UNC5D: variants seen among roughly 807,000 people sequenced by gnomAD.
UNC5D encodes the protein netrin receptor UNC5D.
UNC5D carries 39 observed loss-of-function variants against 105.4 expected under a neutral mutation model. That is an observed-to-expected ratio of 0.37 (90% confidence interval 0.29 to 0.48). The LOEUF (loss-of-function observed/expected upper bound fraction) is 0.48, where lower values mean the gene tolerates loss of function less well. Ranked by LOEUF, UNC5D falls within the 20% of genes least tolerant of loss-of-function variation. The pLI is 0.98. For missense variants in UNC5D, 991 were observed against 1,202.4 expected, an observed-to-expected ratio of 0.82 and a Z score of 2.60; for synonymous variants, 452 against 450.4, an observed-to-expected ratio of 1.00 and a Z score of -0.04.
intron 4 of UNC5D, among the ~76,000 whole-genome samples, chr8:35,673,703 C>G (rs2131289792): frequency 6.6e-6 from 1 of 152,142 alleles, no homozygotes; most frequent in Middle Eastern, 3.4e-3. Flanking sequence ...TTTGCCTTTT[C>G]CTCATGATCA....
At chr8:35,370,799 G>A (rs575305793) in intron 1 of UNC5D, among the ~76,000 whole-genome samples, 1 of 152,300 alleles carries the variant, frequency 6.6e-6, no homozygotes, top group African/African-American at 2.4e-5. Context: ...CTGAATAAAT[G>A]TAATCACTAA....
intron 1 of UNC5D, among the ~76,000 whole-genome samples, chr8:35,339,933 G>T (rs1811339432): frequency 6.6e-6 from 1 of 152,122 alleles, no homozygotes; most frequent in African/African-American, 2.4e-5. Context: ...TTTTGTCCTT[G>T]GTCAGGTCAC....
At chr8:35,245,998 C>T (rs1287743405) in intron 1 of UNC5D, among the ~76,000 whole-genome samples, 4 of 152,134 alleles carry the variant, frequency 2.6e-5, no homozygotes, top group Non-Finnish European at 5.9e-5. Flanking sequence ...CCATCTAACC[C>T]CCTATGCTCG....
At chr8:35,334,399 T>C (rs760004418) in intron 1 of UNC5D, among the ~76,000 whole-genome samples, 7 of 152,212 alleles carry the variant, frequency 4.6e-5, no homozygotes, top group Admixed American at 1.3e-4. Context: ...ATATAGTTTC[T>C]TTTCTAAGTA....
intron 1 of UNC5D, among the ~76,000 whole-genome samples, chr8:35,348,961 C>T (rs1812008870): frequency 6.6e-6 from 1 of 151,776 alleles, no homozygotes; most frequent in South Asian, 2.1e-4. Context: ...TTAACACAAA[C>T]AGTGTATTAT....
At position 35,287,631 on chromosome 8, in the gene UNC5D, C is replaced by CA. The variant is rs1238592887; in HGVS notation, c.103+51756dup. On this transcript the variant is annotated intron_variant, in intron 1 of 16. Coordinates refer to ENST00000404895, the MANE Select transcript of UNC5D (RefSeq NM_080872.4). ...CAATATGGAGAAAACCTGCCTCTAC[C>CA]AAAAAAAAAAAAGAAAAATTGCAAA... Among the ~76,000 whole-genome samples, 780 of 132,402 alleles carry CA rather than the reference C, an allele frequency of 5.9e-3. 4 individuals are homozygous for CA. The highest frequency in any genetic ancestry group is 0.016 in the African/African-American group (580 of 36,132). 86.9% of individuals were successfully genotyped at this position (132,402 alleles called of 152,430 possible).
intron 1 of UNC5D, among the ~76,000 whole-genome samples, chr8:35,326,561 C>T (rs1810175378): frequency 6.6e-6 from 1 of 152,034 alleles, no homozygotes; most frequent in Non-Finnish European, 1.5e-5. Context: ...TAGAGACTAG[C>T]CTGGGCAGCA....
chr8:35,426,334 G>A (rs1388143178), intron 1 of UNC5D, among the ~76,000 whole-genome samples: 1 of 152,056 alleles, frequency 6.6e-6, no homozygotes, highest in Non-Finnish European at 1.5e-5. Flanking sequence ...AACATAATTT[G>A]ATCAGTGCAG....
intron 1 of UNC5D, among the ~76,000 whole-genome samples, chr8:35,318,779 A>C (rs1232727794): frequency 6.6e-6 from 1 of 152,120 alleles, no homozygotes; most frequent in African/African-American, 2.4e-5. Flanking sequence ...CACTGAGCAT[A>C]TGGCATATGC....
intron 1 of UNC5D, among the ~76,000 whole-genome samples, chr8:35,391,157 C>T (rs538627330): frequency 6.6e-6 from 1 of 152,198 alleles, no homozygotes; most frequent in Admixed American, 6.5e-5. Context: ...AGAAACTAGA[C>T]CTGGTTCTGC....
intron 7 of UNC5D, among the ~76,000 whole-genome samples, chr8:35,698,927 A>G (rs1328904750): frequency 6.6e-6 from 1 of 152,238 alleles, no homozygotes; most frequent in East Asian, 1.9e-4. Flanking sequence ...ACTGGAAGGT[A>G]GGGGATCAAA....
intron 13 of UNC5D, among the ~76,000 whole-genome samples, chr8:35,758,276 G>T (rs1482652965): frequency 6.6e-5 from 10 of 152,202 alleles, no homozygotes; most frequent in Admixed American, 3.9e-4. Context: ...AAGATAACCA[G>T]TAGAGGTGTT....
chr8:35,471,022 C>A (rs2129823824), intron 1 of UNC5D, among the ~76,000 whole-genome samples: 1 of 152,136 alleles, frequency 6.6e-6, no homozygotes, highest in African/African-American at 2.4e-5. Flanking sequence ...CTTCACACAG[C>A]AAGTTATTAG....
At chr8:35,502,845 G>A (rs979109631) in intron 1 of UNC5D, among the ~76,000 whole-genome samples, 13 of 152,036 alleles carry the variant, frequency 8.6e-5, no homozygotes, top group South Asian at 4.2e-4. Context: ...GATTACAGGC[G>A]TGAGCCACCG....
Position 35,428,346 on chromosome 8 carries a change from A to ATTTT in UNC5D, c.104-120926_104-120923dup, listed in dbSNP as rs35131097. Among the ~76,000 whole-genome samples, 487 of 92,716 alleles carry ATTTT rather than the reference A, an allele frequency of 5.3e-3. 9 individuals are homozygous for ATTTT. The highest frequency in any genetic ancestry group is 6.7e-3 in the Non-Finnish European group (334 of 49,868). The allele number at this position is 92,716 out of a possible 152,430, so 60.8% of individuals were successfully genotyped here. On this transcript the variant is annotated intron_variant, in intron 1 of 16. Coordinates refer to ENST00000404895, the MANE Select transcript of UNC5D (RefSeq NM_080872.4). ...CAGGTACATGCCACCATGCCTGGCT[A>ATTTT]TTTTTTTTTTTTTTTTTTTTTTTGA...
At chr8:35,527,936 T>C (rs1197805185) in intron 1 of UNC5D, among the ~76,000 whole-genome samples, 1 of 151,744 alleles carries the variant, frequency 6.6e-6, no homozygotes, top group Admixed American at 6.6e-5. Flanking sequence ...GAATTGAGCA[T>C]CAGAATTTCA....
At chr8:35,645,574 G>A (rs1350833174) in intron 4 of UNC5D, among the ~76,000 whole-genome samples, 1 of 150,852 alleles carries the variant, frequency 6.6e-6, no homozygotes, top group Non-Finnish European at 1.5e-5. Context: ...CTTGTTTCTA[G>A]TACTCCAACC....
At chr8:35,237,982 G>C (rs571932224) in intron 1 of UNC5D, among the ~76,000 whole-genome samples, 1 of 152,160 alleles carries the variant, frequency 6.6e-6, no homozygotes, top group Admixed American at 6.5e-5. Flanking sequence ...AGATGCACTG[G>C]TGTGGCATGC....
chr8:35,315,830 C>T (rs560306364), intron 1 of UNC5D, among the ~76,000 whole-genome samples: 1 of 152,136 alleles, frequency 6.6e-6, no homozygotes, highest in Non-Finnish European at 1.5e-5. Flanking sequence ...CAATGTGACT[C>T]TAGAGGCAGA....
Sources: allele counts gnomAD v4.1 joint callset (sites outside exome capture counted in the v4.1 genomes callset), GRCh38; gene constraint gnomAD v4.1.1; transcripts MANE v1.5; gene names NCBI Gene and HGNC (gene_info 2026-07-23, HGNC 2026-07-21).